MSANTD7: variants seen among roughly 807,000 people sequenced by gnomAD.
MSANTD7 encodes the protein zinc finger and SCAN domain containing 29.
chr10:14,844,064 C>G, the MSANTD7 span: 1 of 1,432,508 alleles, frequency 7.0e-7, no homozygotes. Flanking sequence ...AGATTCTCCA[C>G]CAAATGGAAG....
chr10:14,840,056 ATAT>A, the MSANTD7 span: 1 of 1,196,572 alleles, frequency 8.4e-7, no homozygotes, highest in African/African-American at 2.2e-5. Context: ...ATATATATAT[ATAT>A]TATTTTTTTT....
chr10:14,846,329 CAG>C, the MSANTD7 span: 8 of 985,144 alleles, frequency 8.1e-6, no homozygotes, highest in East Asian at 3.4e-4. Context: ...GTGCATAAGA[CAG>C]GGATTTCTTT....
chr10:14,846,192 A>G, the MSANTD7 span: 2 of 985,226 alleles, frequency 2.0e-6, no homozygotes, highest in Non-Finnish European at 2.4e-6. Context: ...CAATTGTCTT[A>G]GGCTATTATA....
the MSANTD7 span, chr10:14,843,389 C>T: frequency 1.4e-5 from 22 of 1,550,740 alleles, no homozygotes; most frequent in Non-Finnish European, 1.9e-5. Flanking sequence ...CAAGGGACCC[C>T]CAGCTACAGC....
chr10:14,843,762 T>C, the MSANTD7 span: 1 of 1,536,434 alleles, frequency 6.5e-7, no homozygotes, highest in South Asian at 1.2e-5. Flanking sequence ...AGCAAGATAC[T>C]GCCAATGAGC....
chr10:14,844,784 C>CT, the MSANTD7 span: 1 of 985,196 alleles, frequency 1.0e-6, no homozygotes. Context: ...TAAATTACAT[C>CT]TTTAAGTTTC....
chr10:14,846,663 C>T, the MSANTD7 span: 5 of 939,228 alleles, frequency 5.3e-6, no homozygotes, highest in East Asian at 1.2e-4. Context: ...GTCCTACCTA[C>T]CTCACAGGGG....
the MSANTD7 span, chr10:14,844,195 A>T: frequency 8.5e-7 from 1 of 1,176,682 alleles, no homozygotes; most frequent in Non-Finnish European, 1.1e-6. Context: ...TGGTTTCCTC[A>T]TCCGTAAAAT....
At chr10:14,846,188 T>C in the MSANTD7 span, 1 of 985,234 alleles carries the variant, frequency 1.0e-6, no homozygotes. Context: ...TTCTCAATTG[T>C]CTTAGGCTAT....
the MSANTD7 span, chr10:14,843,352 T>C: frequency 2.6e-6 from 4 of 1,550,654 alleles, no homozygotes; most frequent in South Asian, 3.6e-5. Flanking sequence ...CTTTGCAACA[T>C]TGTTGCTTTG....
At chr10:14,840,745 TATA>T in the MSANTD7 span, among the ~76,000 whole-genome samples, 2 of 152,242 alleles carry the variant, frequency 1.3e-5, no homozygotes, top group African/African-American at 2.4e-5. Flanking sequence ...TATAGATTGC[TATA>T]ATAATTAGGG....
chr10:14,843,753 G>C, the MSANTD7 span: 1 of 1,536,508 alleles, frequency 6.5e-7, no homozygotes, highest in Non-Finnish European at 8.7e-7. Context: ...CCAGTGCTCA[G>C]CAAGATACTG....
At chr10:14,840,210 T>C in the MSANTD7 span, 3 of 913,760 alleles carry the variant, frequency 3.3e-6, no homozygotes, top group Non-Finnish European at 4.7e-6. Flanking sequence ...TGTTCATAAA[T>C]TCTAAGCATA....
chr10:14,843,267 C>T, the MSANTD7 span: 10 of 1,413,074 alleles, frequency 7.1e-6, no homozygotes, highest in South Asian at 1.0e-4. Flanking sequence ...AGAGGCTTTC[C>T]AGGAACAACC....
the MSANTD7 span, among the ~76,000 whole-genome samples, chr10:14,840,545 T>G: frequency 6.6e-6 from 1 of 152,244 alleles, no homozygotes; most frequent in Non-Finnish European, 1.5e-5. Flanking sequence ...ATGTAGACAC[T>G]ATTGATTTTC....
the MSANTD7 span, chr10:14,838,367 C>G: frequency 6.3e-7 from 1 of 1,576,256 alleles, no homozygotes; most frequent in Non-Finnish European, 8.6e-7. Flanking sequence ...TGTTGGGGGA[C>G]CCCCTCATTC....
At chr10:14,838,344 C>T in the MSANTD7 span, 14 of 1,519,328 alleles carry the variant, frequency 9.2e-6, no homozygotes, top group Non-Finnish European at 1.2e-5. Flanking sequence ...GTTGGGCGGC[C>T]GGTAGCTGTT....
At chr10:14,842,750 G>A in the MSANTD7 span, 1 of 1,536,462 alleles carries the variant, frequency 6.5e-7, no homozygotes, top group African/African-American at 1.4e-5. The surrounding 1 kb of genome is among the most constrained non-coding windows in gnomAD (Gnocchi z 5.2). Context: ...CTTGAAAACA[G>A]TTAAGGCATC....
At chr10:14,841,601 T>C in the MSANTD7 span, among the ~76,000 whole-genome samples, 44 of 152,318 alleles carry the variant, frequency 2.9e-4, no homozygotes, top group African/African-American at 9.9e-4. Context: ...GCCAACAATA[T>C]GTTACTGTTT....
Sources: gnomAD v4.1 joint callset for allele counts (sites outside exome capture counted in the v4.1 genomes callset) on GRCh38, gnomAD v4.1.1 for gene constraint, Gnocchi (gnomAD v3.1) non-coding constraint, MANE v1.5 for transcripts, NCBI Gene and HGNC (gene_info 2026-07-23, HGNC 2026-07-21) for gene names.